Variants in RPRD1B observed in about 807,000 individuals in gnomAD.
RPRD1B encodes regulation of nuclear pre-mRNA domain containing 1B, also known as regulation of nuclear pre-mRNA domain-containing protein 1B.
A neutral mutation model predicts 41.5 loss-of-function variants in RPRD1B; 11 were observed. That is an observed-to-expected ratio of 0.27 (90% CI 0.17 to 0.44). The LOEUF is 0.44. Ranked by LOEUF, RPRD1B falls within the 20% of genes least tolerant of loss-of-function variation. The probability of loss-of-function intolerance (pLI) is 1.00; values close to 1 mark genes in which losing one functional copy is unlikely to be tolerated. For missense variants in RPRD1B, 248 were observed against 389.9 expected, an observed-to-expected ratio of 0.64 and a Z score of 3.06; for synonymous variants, 158 against 155.6, an observed-to-expected ratio of 1.02 and a Z score of -0.12.
intron 1 of RPRD1B, among the ~76,000 whole-genome samples, chr20:38,039,981 A>C (rs2074048805): frequency 6.6e-6 from 1 of 151,686 alleles, no homozygotes; most frequent in African/African-American, 2.4e-5. Flanking sequence ...TGATCCACCC[A>C]CCTCGTCCTC....
chr20:38,057,443 C>A, intron 3 of RPRD1B, 89 bp from the exon 4 acceptor site: 1 of 844,096 alleles, frequency 1.2e-6, no homozygotes, highest in South Asian at 1.4e-5. Flanking sequence ...CCCTTCTGCC[C>A]TGTTTTTACA....
Position 38,090,539 on chromosome 20 carries a change from A to G in RPRD1B, c.*664A>G. On this transcript the variant is annotated 3_prime_UTR_variant, in exon 7 of 7. Transcript: ENST00000373433. ...GCATAAAGGCACAGTTCAGAGACAGAATAACAGGGATCACAAGCATGAATT... is the reference window on the plus strand; with the variant it reads ...GCATAAAGGCACAGTTCAGAGACAGGATAACAGGGATCACAAGCATGAATT... 2 of 985,918 alleles carry G rather than the reference A, an allele frequency of 2.0e-6. No homozygotes were observed. Among genetic ancestry groups the G allele is most frequent in the South Asian group, 9.4e-5 (2 of 21,290 alleles). 61.1% of individuals were successfully genotyped at this position (985,918 alleles called of 1,614,324 possible).
intron 6 of RPRD1B, among the ~76,000 whole-genome samples, chr20:38,075,027 A>T (rs1301757687): frequency 6.6e-6 from 1 of 152,162 alleles, no homozygotes; most frequent in Non-Finnish European, 1.5e-5. Context: ...ATAGTCAATG[A>T]TTATTTGTAT....
rs866923770 is a variant in RPRD1B, at chr20:38,080,661, G to A, written c.832-9065G>A. Among the ~76,000 whole-genome samples the A allele has an allele frequency of 5.3e-5, 8 of 152,334 alleles. No individual in the cohort carries two copies. In the East Asian group the frequency reaches 1.5e-3, roughly 29 times the overall value. On this transcript the variant is annotated intron_variant, in intron 6 of 6. Transcript: ENST00000373433. ...CTGCCTCAGCCTTCCGGGTAGCTGGGATTATAGGCATGCGTCACCACGCCT... is the reference window on the plus strand; with the variant it reads ...CTGCCTCAGCCTTCCGGGTAGCTGGAATTATAGGCATGCGTCACCACGCCT...
intron 3 of RPRD1B, among the ~76,000 whole-genome samples, chr20:38,056,448 G>A (rs6013765): frequency 0.27 from 41,729 of 152,116 alleles, 7,900 homozygotes; most frequent in African/African-American, 0.54. Context: ...CTTCAAACGT[G>A]AGTTTGGTCA....
chr20:38,085,839 CTTTTTTTTTTT>C (rs774430421), intron 6 of RPRD1B, among the ~76,000 whole-genome samples: 3 of 124,998 alleles, frequency 2.4e-5, no homozygotes, highest in Non-Finnish European at 1.7e-5. Flanking sequence ...TGGAGTCAGT[CTTTTTTTTTTT>C]TTTTTTTTTG....
chr20:38,060,307 C>A (rs903242701), intron 5 of RPRD1B, among the ~76,000 whole-genome samples: 2 of 152,224 alleles, frequency 1.3e-5, no homozygotes, highest in African/African-American at 4.8e-5. Flanking sequence ...CCATTGTCTT[C>A]CAAAGGCCAC....
intron 5 of RPRD1B, 106 bp from the exon 6 acceptor site, chr20:38,065,975 A>C (rs982910007): frequency 1.0e-5 from 11 of 1,102,822 alleles, no homozygotes; most frequent in Non-Finnish European, 1.4e-5. Context: ...TTATTCTCAG[A>C]CTCTGTATAT....
intron 6 of RPRD1B, among the ~76,000 whole-genome samples, chr20:38,078,471 C>G (rs563646351): frequency 8.5e-5 from 13 of 152,248 alleles, no homozygotes; most frequent in East Asian, 3.9e-4. Context: ...CACCCCAACC[C>G]CCCAGCCCCA....
At chr20:38,086,254 C>T (rs1237591794) in intron 6 of RPRD1B, among the ~76,000 whole-genome samples, 1 of 152,160 alleles carries the variant, frequency 6.6e-6, no homozygotes, top group African/African-American at 2.4e-5. Context: ...ATTTAGTGGA[C>T]TATAAAAATT....
chr20:38,082,452 T>C (rs944847345), intron 6 of RPRD1B, among the ~76,000 whole-genome samples: 1 of 152,208 alleles, frequency 6.6e-6, no homozygotes, highest in African/African-American at 2.4e-5. Context: ...AGTGGCGCCA[T>C]CTCGGCTCAG....
At chr20:38,063,585 A>G (rs967905969) in intron 5 of RPRD1B, among the ~76,000 whole-genome samples, 2 of 152,112 alleles carry the variant, frequency 1.3e-5, no homozygotes, top group Non-Finnish European at 2.9e-5. Flanking sequence ...CAGTAGTGGG[A>G]GAGTGGTATG....
chr20:38,077,080 G>A (rs1183011536), intron 6 of RPRD1B, among the ~76,000 whole-genome samples: 1 of 151,460 alleles, frequency 6.6e-6, no homozygotes, highest in Non-Finnish European at 1.5e-5. Flanking sequence ...ACCACACCCA[G>A]CTAATTTTTG....
chr20:38,054,588 G>A (rs1267164161), intron 3 of RPRD1B, among the ~76,000 whole-genome samples: 1 of 152,170 alleles, frequency 6.6e-6, no homozygotes, highest in Non-Finnish European at 1.5e-5. Flanking sequence ...ATGAAAATTT[G>A]AGTTGGGGGA....
chr20:38,033,835 A>G lies in RPRD1B; in HGVS notation c.-113A>G. 9.4e-7 allele frequency: 1 copy of G among 1,068,394 alleles called. No homozygotes were observed. Among genetic ancestry groups the G allele is most frequent in the Non-Finnish European group, 1.3e-6 (1 of 759,756 alleles). 66.2% of individuals were successfully genotyped at this position (1,068,394 alleles called of 1,614,324 possible). ...CTTCTCGCACCCCTGGCAGTCTGTC[A>G]GTCGGTAAAAAGTCCCGCAGCCTGT... On this transcript the variant is annotated 5_prime_UTR_variant, in exon 1 of 7. Coordinates refer to ENST00000373433, the MANE Select transcript of RPRD1B (RefSeq NM_021215.4).
At chr20:38,071,469 G>A (rs909537997) in intron 6 of RPRD1B, among the ~76,000 whole-genome samples, 1 of 152,132 alleles carries the variant, frequency 6.6e-6, no homozygotes, top group African/African-American at 2.4e-5. Context: ...CCACCTTTTG[G>A]CTCTTATGAA....
chr20:38,087,311 GT>G (rs1352169347), intron 6 of RPRD1B, among the ~76,000 whole-genome samples: 4 of 152,194 alleles, frequency 2.6e-5, no homozygotes. Context: ...TGAACTTAAG[GT>G]GGTGTCTAAT....
chr20:38,085,229 G>T (rs939726498), intron 6 of RPRD1B: 1 of 152,532 alleles, frequency 6.6e-6, no homozygotes, highest in Non-Finnish European at 1.5e-5. Context: ...CGCTGGTGGG[G>T]AGAGGAGACT....
chr20:38,041,951 A>G (rs902565181), intron 2 of RPRD1B, among the ~76,000 whole-genome samples: 4 of 152,224 alleles, frequency 2.6e-5, no homozygotes, highest in Non-Finnish European at 4.4e-5. Context: ...GCTTGAAGGA[A>G]TACCATTTAT....
Sources: allele counts gnomAD v4.1 joint callset (sites outside exome capture counted in the v4.1 genomes callset), GRCh38; gene constraint gnomAD v4.1.1; transcripts MANE v1.5; gene names NCBI Gene and HGNC (gene_info 2026-07-23, HGNC 2026-07-21).